Variants in MCF2L2 observed in about 807,000 individuals in gnomAD.
MCF2L2 encodes probable guanine nucleotide exchange factor MCF2L2.
MCF2L2 carries 102 observed loss-of-function variants against 150.2 expected under a neutral mutation model. That is an observed-to-expected ratio of 0.68 (90% CI 0.58 to 0.80). The LOEUF (loss-of-function observed/expected upper bound fraction) is 0.80. Among genes scored for constraint, MCF2L2 ranks in the 30% least tolerant of loss-of-function variants. The pLI is 0.00. For missense variants in MCF2L2, 1,256 were observed against 1,372.8 expected (o/e 0.91, Z 1.34); for synonymous variants, 465 against 491.3 (o/e 0.95, Z 0.71).
chr3:183,281,362 C>CT (rs773642295), intron 14 of MCF2L2, among the ~76,000 whole-genome samples: 5,550 of 121,684 alleles, frequency 0.046, 199 homozygotes, highest in African/African-American at 0.089. Context: ...GGAACCTCAC[C>CT]TTTTTTTTTT....
chr3:183,184,115 T>C (rs1721618760), intron 27 of MCF2L2, among the ~76,000 whole-genome samples: 1 of 152,214 alleles, frequency 6.6e-6, no homozygotes, highest in Non-Finnish European at 1.5e-5. Context: ...TCTCCCGGGT[T>C]CAAGCAATTC....
chr3:183,344,100 A>G (rs1012936139), intron 3 of MCF2L2, among the ~76,000 whole-genome samples: 2 of 151,982 alleles, frequency 1.3e-5, no homozygotes, highest in Non-Finnish European at 2.9e-5. Context: ...AGCACAAGAG[A>G]TAGACTGGGC....
intron 25 of MCF2L2, among the ~76,000 whole-genome samples, chr3:183,196,979 G>A (rs1264020580): frequency 6.6e-6 from 1 of 152,084 alleles, no homozygotes; most frequent in East Asian, 1.9e-4. Flanking sequence ...TGCAGGGCCA[G>A]GAAGGCAGCA....
chr3:183,189,803 T>C (rs1252369442), intron 27 of MCF2L2, among the ~76,000 whole-genome samples: 2 of 152,224 alleles, frequency 1.3e-5, no homozygotes, highest in Non-Finnish European at 2.9e-5. Flanking sequence ...AGGCCACTGC[T>C]GCCAGCCCAG....
At chr3:183,275,555 T>C (rs1211164807) in intron 15 of MCF2L2, among the ~76,000 whole-genome samples, 2 of 152,240 alleles carry the variant, frequency 1.3e-5, no homozygotes, top group Non-Finnish European at 1.5e-5. Context: ...GCTGTAACTT[T>C]ATTCCTTTGT....
chr3:183,190,723 G>A (rs2108633719), intron 27 of MCF2L2, among the ~76,000 whole-genome samples: 1 of 152,320 alleles, frequency 6.6e-6, no homozygotes, highest in East Asian at 1.9e-4. Flanking sequence ...GGCAGCTGAG[G>A]GCAACTGCCT....
At chr3:183,405,159 C>G (rs1030695281) in intron 1 of MCF2L2, among the ~76,000 whole-genome samples, 1 of 152,030 alleles carries the variant, frequency 6.6e-6, no homozygotes, top group African/African-American at 2.4e-5. Context: ...ATCATATAAT[C>G]TTAACTATGT....
intron 22 of MCF2L2, among the ~76,000 whole-genome samples, chr3:183,210,013 T>C (rs990945467): frequency 1.3e-5 from 2 of 152,162 alleles, no homozygotes; most frequent in African/African-American, 4.8e-5. Flanking sequence ...GTTTCTATCT[T>C]ACAATGTATT....
intron 1 of MCF2L2, among the ~76,000 whole-genome samples, chr3:183,399,646 T>C (rs1177256898): frequency 1.3e-5 from 2 of 152,244 alleles, no homozygotes; most frequent in Admixed American, 6.5e-5. Context: ...CTGTTATCAG[T>C]TCATGCATCT....
chr3:183,378,134 A>G (rs977786133), intron 3 of MCF2L2: 1 of 152,260 alleles, frequency 6.6e-6, no homozygotes, highest in African/African-American at 2.4e-5. Flanking sequence ...GCAGCCTCTC[A>G]GTCACAAAGC....
chr3:183,186,055 C>T (rs1052987287), intron 27 of MCF2L2, among the ~76,000 whole-genome samples: 4 of 152,010 alleles, frequency 2.6e-5, no homozygotes, highest in Admixed American at 2.0e-4. Flanking sequence ...GCTTTACCTC[C>T]CAGCTCAGCC....
At chr3:183,190,949 G>A (rs946480421) in intron 27 of MCF2L2, among the ~76,000 whole-genome samples, 3 of 152,142 alleles carry the variant, frequency 2.0e-5, no homozygotes, top group Admixed American at 6.5e-5. Flanking sequence ...GCAATGGCGC[G>A]ATCTTGACTC....
Position 183,403,780 on chromosome 3 carries a change from T to C in MCF2L2, c.77-14001A>G, listed in dbSNP as rs114874920. Reference sequence around the variant, plus strand: ...GCTTAATAAGCATTAGGTAAATAAATGTTCATAAGGCATGAGAGTATAGTA... The same window carrying C: ...GCTTAATAAGCATTAGGTAAATAAACGTTCATAAGGCATGAGAGTATAGTA... On this transcript the variant is annotated intron_variant, in intron 1 of 29. Coordinates refer to ENST00000328913, the MANE Select transcript of MCF2L2 (RefSeq NM_015078.4). 5.4e-3 allele frequency among the ~76,000 whole-genome samples: 817 copies of C among 152,268 alleles called. 4 individuals carry two copies. Among genetic ancestry groups the C allele is most frequent in the African/African-American group, 0.019 (779 of 41,538 alleles).
chr3:183,265,843 G>A (rs1726064887), intron 15 of MCF2L2: 1 of 152,104 alleles, frequency 6.6e-6, no homozygotes, highest in Admixed American at 6.5e-5. Flanking sequence ...TTATGTAAAT[G>A]GTGGCTAAAA....
chr3:183,201,856 G>C (rs1722298347), intron 25 of MCF2L2, among the ~76,000 whole-genome samples: 1 of 152,184 alleles, frequency 6.6e-6, no homozygotes, highest in South Asian at 2.1e-4. Context: ...TTTTGTTGAA[G>C]ACCTTTACTG....
intron 1 of MCF2L2, among the ~76,000 whole-genome samples, chr3:183,416,132 T>C (rs1560066088): frequency 6.6e-6 from 1 of 152,192 alleles, no homozygotes; most frequent in Admixed American, 6.5e-5. Context: ...GAAATGTTAC[T>C]TCTATATAGT....
chr3:183,247,868 T>C (rs1400515489), intron 15 of MCF2L2, among the ~76,000 whole-genome samples: 2 of 152,172 alleles, frequency 1.3e-5, no homozygotes, highest in Non-Finnish European at 2.9e-5. Context: ...CTTTGTTATC[T>C]GCAAGGGTCC....
intron 3 of MCF2L2, among the ~76,000 whole-genome samples, chr3:183,370,228 C>T (rs914086709): frequency 2.0e-5 from 3 of 152,244 alleles, no homozygotes; most frequent in African/African-American, 7.2e-5. Context: ...GATGGATCCC[C>T]ACCCCTCATG....
intron 3 of MCF2L2, among the ~76,000 whole-genome samples, chr3:183,362,407 G>A (rs182931931): frequency 6.6e-6 from 1 of 151,984 alleles, no homozygotes; most frequent in Non-Finnish European, 1.5e-5. Context: ...CCAGCCTCTT[G>A]TCTCAAGAAC....
Sources: allele counts gnomAD v4.1 joint callset (sites outside exome capture counted in the v4.1 genomes callset), GRCh38; gene constraint gnomAD v4.1.1; transcripts MANE v1.5; gene names NCBI Gene and HGNC (gene_info 2026-07-23, HGNC 2026-07-21).